The following MRS2 variants were observed in gnomAD, a reference collection of about 807,000 sequenced individuals.
MRS2 encodes the protein magnesium transporter MRS2 homolog, mitochondrial.
In MRS2, 40 loss-of-function variants were observed where a neutral mutation model predicts 52.6. The ratio of observed to expected loss-of-function variants is 0.76; its 90% CI spans 0.59 to 0.99. The LOEUF (loss-of-function observed/expected upper bound fraction) is 0.99. MRS2 is among the 50% of genes least tolerant of loss of function. The pLI is 0.00. For missense variants in MRS2, 472 were observed against 532.7 expected, an observed-to-expected ratio of 0.89 and a Z score of 1.12; for synonymous variants, 193 against 195.9, an observed-to-expected ratio of 0.98 and a Z score of 0.13.
chr6:24,403,277 T>G (rs1475781115), intron 1 of MRS2, 41 bp downstream of exon 1: 1 of 1,542,164 alleles, frequency 6.5e-7, no homozygotes, highest in South Asian at 1.2e-5. Flanking sequence ...ACGCTGGTCT[T>G]GCAGTGACCT....
chr6:24,412,595 CTA>C (rs1761704320), intron 5 of MRS2, among the ~76,000 whole-genome samples, 200 bp downstream of exon 5: 1 of 151,170 alleles, frequency 6.6e-6, no homozygotes, highest in South Asian at 2.1e-4. Context: ...ACTAAAGACT[CTA>C]TGTATATTAT....
Position 24,403,082 on chromosome 6 carries a change from C to T in MRS2, c.36C>T (p.Pro12=). The stretch of plus-strand genomic sequence containing the variant: ...TGCGCAGTTTACCCTGCCTCCTGCC[C>T]CGCGCGATGAGACTTCCCCGGCGGA... ...ECLRSLPCLL[P]RAMRLPRRTL... is the part of the protein sequence containing the mutation. The change falls in exon 1 of 11, where the codon CCC becomes CCT. Residue 12 remains proline, a synonymous_variant. Transcript: ENST00000378386. The T allele has an allele frequency of 1.2e-6, 2 of 1,611,900 alleles. No homozygotes were observed. The highest frequency in any genetic ancestry group is 2.2e-5 in the South Asian group (2 of 90,916).
chr6:24,410,196 C>T (rs991718929), intron 4 of MRS2, among the ~76,000 whole-genome samples: 8 of 152,296 alleles, frequency 5.3e-5, no homozygotes, highest in African/African-American at 1.7e-4. Context: ...TCAGGCTGCT[C>T]TGAAACTCCC....
chr6:24,422,897 C>A (rs1349729918), intron 9 of MRS2, 40 bp from the exon 10 acceptor site: 10 of 1,377,098 alleles, frequency 7.3e-6, no homozygotes, highest in Non-Finnish European at 1.0e-5. Context: ...TCTAAGGAAC[C>A]TGGCGTTTTG....
chr6:24,410,270 T>C (rs1262599165), intron 4 of MRS2, among the ~76,000 whole-genome samples: 1 of 152,198 alleles, frequency 6.6e-6, no homozygotes, highest in Non-Finnish European at 1.5e-5. Context: ...TGAGCCACCG[T>C]GCCTGGCCAG....
chr6:24,405,241 GGTGA>G lies in MRS2; in HGVS notation c.264+3_264+6del. 1 of 1,609,694 alleles carries G rather than the reference GGTGA, an allele frequency of 6.2e-7. No individual in the cohort carries two copies. Among genetic ancestry groups the G allele is most frequent in the South Asian group, 1.1e-5 (1 of 90,992 alleles). On this transcript the variant is annotated splice_donor_variant and splice_donor_region_variant and intron_variant, in intron 2 of 10. Transcript: ENST00000378386. LOFTEE classifies it high-confidence loss of function. ...CCAGTGTAGCCCCAGTATTTACTGT[GGTGA>G]GTATGTACAGTACATTGGAAATCGT...
At chr6:24,416,594 C>T in intron 7 of MRS2, 81 bp downstream of exon 7, 1 of 778,528 alleles carries the variant, frequency 1.3e-6, no homozygotes, top group Non-Finnish European at 2.2e-6. Context: ...ATTTTTCATA[C>T]AGAATGTAAC....
chr6:24,423,559 A>AAATT, intron 10 of MRS2, 25 bp from the exon 11 acceptor site: 3 of 1,370,162 alleles, frequency 2.2e-6, no homozygotes, highest in Non-Finnish European at 3.1e-6. Context: ...AAAGATACTA[A>AAATT]AATTAATACT....
At chr6:24,423,304 G>A (rs1762117083) in intron 10 of MRS2, 1 of 479,070 alleles carries the variant, frequency 2.1e-6, no homozygotes, top group Non-Finnish European at 3.7e-6. Flanking sequence ...TATAATTTGT[G>A]TAGAACTCTG....
rs1272539253 is a variant in MRS2, at chr6:24,423,717, GT to G, written c.*31del. On this transcript the variant is annotated 3_prime_UTR_variant, in exon 11 of 11. Coordinates refer to ENST00000378386, the MANE Select transcript of MRS2 (RefSeq NM_020662.4). ...TAGGAACAGCCCCGTGGATACTGAA[GT>G]TTTTTTTATGGTAGTTACAGGAAAC... is the stretch of plus-strand genomic sequence containing the variant. 1.5e-5 allele frequency: 19 copies of G among 1,265,642 alleles called. No individual in the cohort carries two copies. Among genetic ancestry groups the G allele is most frequent in the Non-Finnish European group, 2.0e-5 (18 of 893,090 alleles). The allele number at this position is 1,265,642 out of a possible 1,614,324, so 78.4% of individuals were successfully genotyped here. A position where few individuals can be genotyped will look rare whatever the true frequency, so the allele number is the denominator to read the frequency against.
chr6:24,406,279 A>T (rs2127281909), intron 2 of MRS2, among the ~76,000 whole-genome samples: 1 of 152,278 alleles, frequency 6.6e-6, no homozygotes, highest in East Asian at 1.9e-4. Context: ...ATGAGGATTA[A>T]ATTAACTCAT....
intron 4 of MRS2, chr6:24,410,825 A>G: frequency 1.6e-6 from 2 of 1,218,548 alleles, no homozygotes; most frequent in Non-Finnish European, 1.2e-6. Context: ...AATTCAGCAG[A>G]ATGATAATTG....
rs140050426 is a variant in MRS2 at position 24,403,083 on chromosome 6, C to G, written c.37C>G (p.Arg13Gly). The G allele has an allele frequency of 1.5e-5, 24 of 1,611,848 alleles. No individual in the cohort carries two copies. The highest frequency in any genetic ancestry group is 3.3e-5 in the Admixed American group (2 of 59,900). Residue 13 changes from arginine (R) to glycine (G), a missense_variant, in exon 1 of 11, where the codon CGC becomes GGC. Arg to Gly is a moderately radical substitution (Grantham distance 125). Transcript: ENST00000378386. ...CLRSLPCLLP[R>G]AMRLPRRTLC... ...GCGCAGTTTACCCTGCCTCCTGCCC[C>G]GCGCGATGAGACTTCCCCGGCGGAC...
At chr6:24,416,298 A>G (rs777992548) in intron 6 of MRS2, 99 bp from the exon 7 acceptor site, 1 of 566,388 alleles carries the variant, frequency 1.8e-6, no homozygotes. Context: ...GCATGAATGT[A>G]TAAGATAATA....
intron 1 of MRS2, among the ~76,000 whole-genome samples, 169 bp downstream of exon 1, chr6:24,403,405 C>G (rs968885400): frequency 1.3e-5 from 2 of 152,244 alleles, no homozygotes; most frequent in African/African-American, 4.8e-5. Context: ...CTGCGTCCCA[C>G]TCGCTCAGAA....
intron 4 of MRS2, chr6:24,410,903 T>C (rs1761626183): frequency 1.6e-6 from 1 of 620,004 alleles, no homozygotes; most frequent in African/African-American, 1.9e-5. Flanking sequence ...AAAATTTTCA[T>C]GAGGCTAGGT....
At chr6:24,417,828 G>A (rs2127294514) in intron 7 of MRS2, among the ~76,000 whole-genome samples, 1 of 152,146 alleles carries the variant, frequency 6.6e-6, no homozygotes, top group South Asian at 2.1e-4. Flanking sequence ...TGTAGTCCCA[G>A]CTACTGGGGA....
At chr6:24,416,642 C>G (rs1039490421) in intron 7 of MRS2, 129 bp downstream of exon 7, 4 of 676,468 alleles carry the variant, frequency 5.9e-6, no homozygotes, top group Non-Finnish European at 1.1e-5. Flanking sequence ...TTTTTCATCC[C>G]CAGTTTCCCT....
intron 5 of MRS2, among the ~76,000 whole-genome samples, chr6:24,414,352 C>G (rs1761766240): frequency 6.7e-6 from 1 of 150,302 alleles, no homozygotes; most frequent in Middle Eastern, 3.4e-3. Context: ...GGTGATGACT[C>G]TTAACGAGCA....
Sources: allele counts gnomAD v4.1 joint callset (sites outside exome capture counted in the v4.1 genomes callset), GRCh38; gene constraint gnomAD v4.1.1; transcripts MANE v1.5; gene names NCBI Gene and HGNC (gene_info 2026-07-23, HGNC 2026-07-21).